Variants in TBC1D22A observed in about 807,000 individuals in gnomAD.
TBC1D22A encodes putative GTPase activator.
In TBC1D22A, 38 loss-of-function variants were observed where a neutral mutation model predicts 60.2. The ratio of observed to expected loss-of-function variants is 0.63; its 90% confidence interval spans 0.49 to 0.83. The LOEUF (loss-of-function observed/expected upper bound fraction) is 0.83. Ranked by LOEUF, TBC1D22A falls within the 40% of genes least tolerant of loss-of-function variation. The pLI, the probability that TBC1D22A is intolerant of heterozygous loss-of-function variation, is 0.00. For synonymous variants in TBC1D22A, 302 were observed against 281.7 expected (o/e 1.07, Z -0.72); for missense variants, 628 against 701.0 (o/e 0.90, Z 1.18).
chr22:47,089,343 G>A (rs1396785037), intron 11 of TBC1D22A, among the ~76,000 whole-genome samples: 1 of 152,268 alleles, frequency 6.6e-6, no homozygotes, highest in Admixed American at 6.5e-5. Flanking sequence ...CATGCAGGCA[G>A]AGCGGGGGTC....
chr22:47,164,886 C>T (rs147625899), intron 12 of TBC1D22A, among the ~76,000 whole-genome samples: 210 of 152,332 alleles, frequency 1.4e-3, no homozygotes, highest in African/African-American at 4.8e-3. Context: ...AGGAGGAATA[C>T]AAATGCTCCA....
At chr22:47,017,237 A>G (rs2148325026) in intron 10 of TBC1D22A, among the ~76,000 whole-genome samples, 1 of 152,300 alleles carries the variant, frequency 6.6e-6, no homozygotes, top group African/African-American at 2.4e-5. Flanking sequence ...TAGAGTGGAA[A>G]ATTGCATTTT....
intron 4 of TBC1D22A, among the ~76,000 whole-genome samples, chr22:46,871,433 A>T (rs1475620120): frequency 1.3e-5 from 2 of 152,362 alleles, no homozygotes; most frequent in African/African-American, 4.8e-5. Flanking sequence ...GACATATGGC[A>T]CATTCACCAA....
chr22:47,133,086 G>A (rs1007714710), intron 12 of TBC1D22A, among the ~76,000 whole-genome samples: 10 of 152,236 alleles, frequency 6.6e-5, no homozygotes, highest in Non-Finnish European at 1.5e-4. Flanking sequence ...GGCGACGCCT[G>A]TAAAATGTAA....
intron 8 of TBC1D22A, among the ~76,000 whole-genome samples, chr22:46,971,323 A>T (rs1239389777): frequency 6.6e-6 from 1 of 152,176 alleles, no homozygotes; most frequent in African/African-American, 2.4e-5. Context: ...GCACTCAGGC[A>T]GAGGCTGTCA....
chr22:46,807,674 C>G (rs972447691), intron 4 of TBC1D22A, among the ~76,000 whole-genome samples: 5 of 152,168 alleles, frequency 3.3e-5, no homozygotes, highest in African/African-American at 1.2e-4. Context: ...GATCAAGAAA[C>G]TGAGGCTTAG....
chr22:46,820,960 T>C (rs1012634547), intron 4 of TBC1D22A, among the ~76,000 whole-genome samples: 1 of 152,220 alleles, frequency 6.6e-6, no homozygotes, highest in Non-Finnish European at 1.5e-5. Context: ...TGTTGAATTC[T>C]TCCCTTTATC....
At chr22:47,118,853 T>TA (rs1176220875) in intron 12 of TBC1D22A, among the ~76,000 whole-genome samples, 1 of 151,906 alleles carries the variant, frequency 6.6e-6, no homozygotes, top group Non-Finnish European at 1.5e-5. Context: ...AGATAAGCTT[T>TA]AAAAAAAGCC....
intron 8 of TBC1D22A, among the ~76,000 whole-genome samples, chr22:46,958,131 G>A (rs2073306913): frequency 6.6e-6 from 1 of 152,164 alleles, no homozygotes; most frequent in South Asian, 2.1e-4. Context: ...TCATCAGGGA[G>A]CCCTGAGGGC....
chr22:46,782,801 G>C (rs185896982), intron 1 of TBC1D22A, among the ~76,000 whole-genome samples: 2 of 152,282 alleles, frequency 1.3e-5, no homozygotes, highest in Admixed American at 6.5e-5. Context: ...TGCGTACCAA[G>C]ACTTCATTCC....
At chr22:46,914,028 A>G (rs543246850) in intron 8 of TBC1D22A, 2 of 153,886 alleles carry the variant, frequency 1.3e-5, no homozygotes, top group African/African-American at 4.8e-5. Context: ...AGGCACATGC[A>G]CACACACATG....
At chr22:47,122,866 T>C (rs1431019893) in intron 12 of TBC1D22A, among the ~76,000 whole-genome samples, 2 of 152,172 alleles carry the variant, frequency 1.3e-5, no homozygotes, top group Admixed American at 6.5e-5. Context: ...TTCATTTGCT[T>C]CATGAGAGGC....
chr22:46,988,595 G>A (rs535589479), intron 9 of TBC1D22A, among the ~76,000 whole-genome samples: 17 of 152,338 alleles, frequency 1.1e-4, no homozygotes, highest in Admixed American at 7.8e-4. Flanking sequence ...CCATGAGCAG[G>A]AATATTTTGA....
At chr22:46,866,279 A>G (rs2067050066) in intron 4 of TBC1D22A, among the ~76,000 whole-genome samples, 1 of 151,974 alleles carries the variant, frequency 6.6e-6, no homozygotes, top group African/African-American at 2.4e-5. Context: ...TAATTTTTGT[A>G]TTTTAGTAGA....
At chr22:46,913,627 G>C in intron 8 of TBC1D22A, 3 of 985,360 alleles carry the variant, frequency 3.0e-6, no homozygotes, top group Non-Finnish European at 3.6e-6. Context: ...TCATTTGACA[G>C]ATAATGAAAA....
intron 12 of TBC1D22A, among the ~76,000 whole-genome samples, chr22:47,172,303 C>G (rs1045817298): frequency 6.6e-6 from 1 of 152,228 alleles, no homozygotes; most frequent in African/African-American, 2.4e-5. Flanking sequence ...TGTGTTTTCC[C>G]AGTCTGTCCA....
chr22:46,873,487 C>T (rs2067387462), intron 4 of TBC1D22A, among the ~76,000 whole-genome samples: 1 of 152,126 alleles, frequency 6.6e-6, no homozygotes, highest in Non-Finnish European at 1.5e-5. Context: ...ACCCTTATGG[C>T]AGATTTATTT....
At chr22:46,930,797 T>C (rs999698641) in intron 8 of TBC1D22A, among the ~76,000 whole-genome samples, 4 of 152,136 alleles carry the variant, frequency 2.6e-5, no homozygotes, top group African/African-American at 9.7e-5. Context: ...TCCATTTATT[T>C]GGAGCCAAAG....
chr22:46,914,185 G>C (rs79992248), intron 8 of TBC1D22A: 14,706 of 152,096 alleles, frequency 0.097, 1,419 homozygotes, highest in African/African-American at 0.25. Flanking sequence ...CCTGTAATCC[G>C]AGCACTTAAG....
Sources: allele counts gnomAD v4.1 joint callset (sites outside exome capture counted in the v4.1 genomes callset), GRCh38; gene constraint gnomAD v4.1.1; transcripts MANE v1.5; gene names NCBI Gene and HGNC (gene_info 2026-07-23, HGNC 2026-07-21).